LRRC37A: variants seen among roughly 807,000 people sequenced by gnomAD.
LRRC37A encodes leucine-rich repeat-containing protein 37A.
In LRRC37A, 3 loss-of-function variants were observed where a neutral mutation model predicts 35.4. The ratio of observed to expected loss-of-function variants is 0.08; its 90% confidence interval spans 0.04 to 0.22. The LOEUF is 0.22. LRRC37A is among the 10% of genes least tolerant of loss of function. LRRC37A has a pLI of 1.00. For synonymous variants in LRRC37A, 23 were observed against 215.0 expected, an observed-to-expected ratio of 0.11 and a Z score of 7.81; for missense variants, 67 against 565.3, an observed-to-expected ratio of 0.12 and a Z score of 8.94.
the LRRC37A span, among the ~76,000 whole-genome samples, chr17:46,268,129 T>C: frequency 2.0e-5 from 3 of 152,134 alleles, no homozygotes; most frequent in African/African-American, 4.8e-5. Flanking sequence ...TAAGGACCTT[T>C]GTTCTGTAAT....
At chr17:46,290,730 A>T (rs2050044106), upstream of LRRC37A, among the ~76,000 whole-genome samples, 1 of 152,266 alleles carries the variant, frequency 6.6e-6, no homozygotes, top group South Asian at 2.1e-4. Context: ...TATAGGCATG[A>T]GCCATTGCGC....
chr17:46,261,446 C>T, the LRRC37A span, among the ~76,000 whole-genome samples: 2 of 152,094 alleles, frequency 1.3e-5, no homozygotes, highest in African/African-American at 2.4e-5. Flanking sequence ...GAGTCTTGCT[C>T]TGTTGCCCAG....
At chr17:46,256,880 AGTG>A in the LRRC37A span, among the ~76,000 whole-genome samples, 2 of 152,184 alleles carry the variant, frequency 1.3e-5, no homozygotes, top group Admixed American at 6.5e-5. Flanking sequence ...GATTGGAAGA[AGTG>A]GTGAAGAAGG....
chr17:46,274,172 T>C, the LRRC37A span, among the ~76,000 whole-genome samples: 1 of 152,224 alleles, frequency 6.6e-6, no homozygotes, highest in Admixed American at 6.5e-5. Flanking sequence ...TTAGCACACA[T>C]TCAAAGACAC....
chr17:46,291,827 G>A (rs1223521010), upstream of LRRC37A, among the ~76,000 whole-genome samples: 2 of 152,028 alleles, frequency 1.3e-5, no homozygotes, highest in Non-Finnish European at 2.9e-5. Flanking sequence ...ATGGTGGCAT[G>A]GCACGCGCCT....
chr17:46,262,304 C>T, the LRRC37A span, among the ~76,000 whole-genome samples: 1 of 152,186 alleles, frequency 6.6e-6, no homozygotes, highest in African/African-American at 2.4e-5. Flanking sequence ...AAAGTCCTGG[C>T]ATTATAGGCG....
At chr17:46,256,743 C>T in the LRRC37A span, among the ~76,000 whole-genome samples, 1 of 152,152 alleles carries the variant, frequency 6.6e-6, no homozygotes, top group African/African-American at 2.4e-5. Context: ...TCTTAGCAGG[C>T]TCTTGACCCT....
At chr17:46,285,224 T>C in the LRRC37A span, among the ~76,000 whole-genome samples, 1 of 151,516 alleles carries the variant, frequency 6.6e-6, no homozygotes, top group East Asian at 1.9e-4. Flanking sequence ...ATACCTATCC[T>C]GGTTTTCTTT....
At chr17:46,332,484 C>A (rs1319411225) in intron 9 of LRRC37A, 68 bp from the exon 10 acceptor site, 1 of 827,060 alleles carries the variant, frequency 1.2e-6, no homozygotes, top group Non-Finnish European at 1.9e-6. Context: ...CAGCTACTCA[C>A]CTGGAATACT....
chr17:46,282,419 T>TG, the LRRC37A span, among the ~76,000 whole-genome samples: 1 of 149,508 alleles, frequency 6.7e-6, no homozygotes, highest in East Asian at 2.0e-4. Context: ...TTTTGTTTGT[T>TG]TTTTTTTTTT....
chr17:46,248,885 G>A, the LRRC37A span, among the ~76,000 whole-genome samples: 2 of 151,744 alleles, frequency 1.3e-5, no homozygotes, highest in African/African-American at 4.9e-5. Context: ...CACTACAGCT[G>A]GCCCTCCATA....
the LRRC37A span, among the ~76,000 whole-genome samples, chr17:46,269,117 T>C: frequency 1.7e-5 from 2 of 115,458 alleles, no homozygotes; most frequent in Admixed American, 9.3e-5. Flanking sequence ...TCAAAACTTA[T>C]ATGTGAAGAT....
chr17:46,277,200 A>G, the LRRC37A span, among the ~76,000 whole-genome samples: 33 of 152,362 alleles, frequency 2.2e-4, no homozygotes, highest in South Asian at 6.4e-3. Context: ...TTAAAAAGCT[A>G]CATAAAATAA....
the LRRC37A span, among the ~76,000 whole-genome samples, chr17:46,264,623 G>C: frequency 3.3e-5 from 5 of 152,340 alleles, no homozygotes; most frequent in East Asian, 9.6e-4. Context: ...TGGCATTCTG[G>C]CTACATAGAT....
the LRRC37A span, chr17:46,267,506 G>T: frequency 1.2e-6 from 2 of 1,612,846 alleles, no homozygotes; most frequent in Non-Finnish European, 1.7e-6. Context: ...ACCGTGTCCA[G>T]AGTTTAAACC....
chr17:46,267,608 G>A, the LRRC37A span: 8 of 1,560,950 alleles, frequency 5.1e-6, no homozygotes, highest in African/African-American at 5.5e-5. Context: ...GGGTCGTCCA[G>A]TCTTTTTTTG....
the LRRC37A span, among the ~76,000 whole-genome samples, chr17:46,265,067 T>C: frequency 1.3e-5 from 2 of 152,220 alleles, no homozygotes; most frequent in African/African-American, 4.8e-5. Flanking sequence ...GCCTGTCTAG[T>C]CTGGAGAACC....
the LRRC37A span, among the ~76,000 whole-genome samples, chr17:46,249,108 A>G: frequency 1.1e-3 from 163 of 152,172 alleles, 2 homozygotes; most frequent in African/African-American, 3.9e-3. Flanking sequence ...AGACTTCAGC[A>G]TCTGTGGACT....
At chr17:46,269,961 T>A in the LRRC37A span, among the ~76,000 whole-genome samples, 1 of 152,264 alleles carries the variant, frequency 6.6e-6, no homozygotes, top group Non-Finnish European at 1.5e-5. Flanking sequence ...CTAAACATTT[T>A]TCAGTTGGTT....
Sources: gnomAD v4.1 joint callset for allele counts (sites outside exome capture counted in the v4.1 genomes callset) on GRCh38, gnomAD v4.1.1 for gene constraint, MANE v1.5 for transcripts, NCBI Gene and HGNC (gene_info 2026-07-23, HGNC 2026-07-21) for gene names.